The following BTBD9 variants were observed in gnomAD, a reference collection of about 807,000 sequenced individuals.
BTBD9 encodes the protein BTB domain containing 9.
Under a neutral mutation model 64.3 loss-of-function variants are expected in BTBD9, and 49 were observed. The observed-to-expected ratio is 0.76, with a 90% CI of 0.61 to 0.97. The LOEUF is 0.97. Among genes scored for constraint, BTBD9 ranks in the 50% least tolerant of loss-of-function variants. The pLI, the probability that BTBD9 is intolerant of heterozygous loss-of-function variation, is 0.00. For missense variants in BTBD9, 598 were observed against 762.1 expected (o/e 0.78, Z 2.53); for synonymous variants, 260 against 274.7 (o/e 0.95, Z 0.53).
In BTBD9 at chr6:38,587,551, T is replaced by TCCCTTC. The variant is rs1776590499; in HGVS notation, c.814+5024_814+5025insGAAGGG. ...AACAATTTTTGATAGTTCTGATCTT[T>TCCCTTC]CCTTTGCAATTCAGTGTAGTAGGAC... On this transcript the variant is annotated intron_variant, in intron 4 of 10. Coordinates refer to ENST00000481247, the MANE Select transcript of BTBD9 (RefSeq NM_001099272.2). 12 of 577,146 alleles carry TCCCTTC rather than the reference T, an allele frequency of 2.1e-5. No homozygotes were observed. The East Asian group carries it at 4.6e-4, about 22-fold the overall frequency. 35.8% of individuals were successfully genotyped at this position (577,146 alleles called of 1,614,324 possible). A position where few individuals can be genotyped will look rare whatever the true frequency, so the allele number is the denominator to read the frequency against.
At chr6:38,545,667 T>C (rs1251953003) in intron 6 of BTBD9, among the ~76,000 whole-genome samples, 1 of 149,628 alleles carries the variant, frequency 6.7e-6, no homozygotes, top group African/African-American at 2.5e-5. Context: ...TAGTCCCAGC[T>C]ACTCGGGAGG....
chr6:38,398,420 C>T (rs1166211003), intron 6 of BTBD9, among the ~76,000 whole-genome samples: 1 of 152,056 alleles, frequency 6.6e-6, no homozygotes, highest in East Asian at 1.9e-4. Context: ...AAGGCCATAC[C>T]AAGGAATCAA....
At chr6:38,479,907 T>C (rs1290303577) in intron 6 of BTBD9, among the ~76,000 whole-genome samples, 1 of 151,996 alleles carries the variant, frequency 6.6e-6, no homozygotes, top group Non-Finnish European at 1.5e-5. Flanking sequence ...TTTTGTATTT[T>C]TGGTAGAGAA....
chr6:38,383,923 T>C (rs965182594), intron 6 of BTBD9, among the ~76,000 whole-genome samples: 3 of 152,200 alleles, frequency 2.0e-5, no homozygotes, highest in African/African-American at 7.2e-5. Context: ...AGTCCAGGGA[T>C]GACTGAGTGG....
intron 6 of BTBD9, among the ~76,000 whole-genome samples, chr6:38,353,308 CT>C (rs1764595562): frequency 6.6e-6 from 1 of 151,174 alleles, no homozygotes; most frequent in African/African-American, 2.4e-5. Flanking sequence ...TCTTTTTGTT[CT>C]TTCCATTTTT....
At chr6:38,261,565 T>A (rs1764794033) in intron 8 of BTBD9, among the ~76,000 whole-genome samples, 1 of 152,250 alleles carries the variant, frequency 6.6e-6, no homozygotes, top group Non-Finnish European at 1.5e-5. Flanking sequence ...CATTTTCTAC[T>A]TATATGTATC....
Position 38,577,713 on chromosome 6 carries a change from G to A in BTBD9, c.1041C>T (p.Tyr347=), listed in dbSNP as rs767415206. 8 of 1,604,000 alleles carry A rather than the reference G, an allele frequency of 5.0e-6. No individual in the cohort carries two copies. In the South Asian group the frequency reaches 6.7e-5, roughly 13 times the overall value. The change falls in exon 6 of 11, where the codon TAC becomes TAT. Residue 347 remains tyrosine, a synonymous_variant. Coordinates refer to ENST00000481247, the MANE Select transcript of BTBD9 (RefSeq NM_001099272.2). ...ILLWDRDSRS[Y]SYFIEVSMDE... is the part of the protein sequence containing the mutation. Reference sequence around the variant, plus strand: ...CCATTGACACTTCAATGAAGTATGAGTAAGACCTGTGAATCAAAAGGAAAA... The same window carrying A: ...CCATTGACACTTCAATGAAGTATGAATAAGACCTGTGAATCAAAAGGAAAA...
At chr6:38,222,254 G>GT (rs771737210) in intron 9 of BTBD9, among the ~76,000 whole-genome samples, 32,641 of 95,096 alleles carry the variant, frequency 0.34, 8,596 homozygotes, top group Non-Finnish European at 0.39. Context: ...AATTCATTCA[G>GT]TTGTTTTTTT....
intron 7 of BTBD9, among the ~76,000 whole-genome samples, chr6:38,335,254 A>ATT (rs200450470): frequency 9.5e-4 from 134 of 140,954 alleles, no homozygotes; most frequent in African/African-American, 2.2e-3. Flanking sequence ...TTAATTTTAA[A>ATT]TTTTTTTTTT....
In BTBD9 at chr6:38,170,166, T is replaced by A. The variant is rs920477496; in HGVS notation, c.*4819A>T. ...CATTATGCCAGGAACAGGTGTTCCC[T>A]GTACACTTTTTTAAGTGAGTAAAGA... On this transcript the variant is annotated 3_prime_UTR_variant, in exon 11 of 11. Coordinates refer to ENST00000481247, the MANE Select transcript of BTBD9 (RefSeq NM_001099272.2). 1 of 152,264 alleles carries A rather than the reference T, an allele frequency of 6.6e-6. No individual in the cohort carries two copies. The highest frequency in any genetic ancestry group is 2.4e-5 in the African/African-American group (1 of 41,454). The allele number at this position is 152,264 out of a possible 1,614,324, so 9.4% of individuals were successfully genotyped here.
intron 7 of BTBD9, among the ~76,000 whole-genome samples, chr6:38,334,503 T>TGAG (rs1763804852): frequency 1.3e-5 from 2 of 151,960 alleles, no homozygotes; most frequent in South Asian, 2.1e-4. Context: ...GAGGTTGTAG[T>TGAG]CAGCGGAGGT....
chr6:38,428,964 T>C (rs1294045001), intron 6 of BTBD9, among the ~76,000 whole-genome samples: 1 of 151,502 alleles, frequency 6.6e-6, no homozygotes, highest in African/African-American at 2.4e-5. Context: ...CTGCCTTGGC[T>C]TCCCAAAGTG....
Position 38,174,994 on chromosome 6 carries a change from C to T in BTBD9, c.1830G>A (p.Gln610=). Residue 610 remains glutamine, a synonymous_variant, in exon 11 of 11, where the codon CAG becomes CAA. Transcript: ENST00000481247. ...AGGCCCGCTGCCTCCTTTATTGGTG[C>T]TGCCGGTTGGGGGAGCGTGAGTTGG... ...PGSNSRSPNR[Q]HQ 1 of 1,613,886 alleles carries T rather than the reference C, an allele frequency of 6.2e-7. No homozygotes were observed. The highest frequency in any genetic ancestry group is 8.5e-7 in the Non-Finnish European group (1 of 1,180,030).
chr6:38,458,420 T>A (rs1769918693), intron 6 of BTBD9, among the ~76,000 whole-genome samples: 1 of 152,148 alleles, frequency 6.6e-6, no homozygotes, highest in African/African-American at 2.4e-5. Context: ...CTACATTCCT[T>A]CCACATTTGA....
At chr6:38,213,097 T>A (rs1762891940) in intron 9 of BTBD9, among the ~76,000 whole-genome samples, 2 of 151,988 alleles carry the variant, frequency 1.3e-5, no homozygotes, top group Non-Finnish European at 2.9e-5. Flanking sequence ...AGCCCTGACC[T>A]ATGATCTCAC....
intron 9 of BTBD9, among the ~76,000 whole-genome samples, chr6:38,242,972 A>G (rs891316499): frequency 6.6e-6 from 1 of 152,258 alleles, no homozygotes; most frequent in African/African-American, 2.4e-5. Context: ...CATTCACATA[A>G]TGGAGCAGTC....
chr6:38,332,040 C>T (rs192558169), intron 7 of BTBD9, among the ~76,000 whole-genome samples: 126 of 152,244 alleles, frequency 8.3e-4, no homozygotes, highest in Admixed American at 2.0e-4. Context: ...CGAGGCAAAA[C>T]GCTTTCAAGT....
At chr6:38,279,950 C>T (rs529156276) in intron 8 of BTBD9, among the ~76,000 whole-genome samples, 153 of 152,252 alleles carry the variant, frequency 1.0e-3, no homozygotes, top group African/African-American at 3.6e-3. Context: ...TCTCCAATCA[C>T]TCAACAGAGG....
intron 6 of BTBD9, among the ~76,000 whole-genome samples, chr6:38,427,901 T>G (rs13207910): frequency 0.097 from 14,769 of 152,012 alleles, 850 homozygotes; most frequent in African/African-American, 0.12. Context: ...TGTTCCTGTA[T>G]GCTTAACCTT....
Sources: allele counts gnomAD v4.1 joint callset (sites outside exome capture counted in the v4.1 genomes callset), GRCh38; gene constraint gnomAD v4.1.1; transcripts MANE v1.5; gene names NCBI Gene and HGNC (gene_info 2026-07-23, HGNC 2026-07-21).